Variants in ITGAM observed in about 807,000 individuals in gnomAD.
ITGAM encodes the protein integrin subunit alpha M, also known as integrin alpha-M.
Under a neutral mutation model 137.5 loss-of-function variants are expected in ITGAM, and 79 were observed. The observed-to-expected ratio is 0.57, with a 90% CI of 0.48 to 0.69. The LOEUF (loss-of-function observed/expected upper bound fraction) is 0.69, where lower values mean the gene tolerates loss of function less well. ITGAM is among the 30% of genes least tolerant of loss of function. The pLI is 0.00. For synonymous variants in ITGAM, 583 were observed against 592.3 expected, an observed-to-expected ratio of 0.98 and a Z score of 0.23; for missense variants, 1,343 against 1,483.5, an observed-to-expected ratio of 0.91 and a Z score of 1.56.
chr16:31,278,584 C>T (rs549023804), intron 12 of ITGAM, among the ~76,000 whole-genome samples: 9 of 152,142 alleles, frequency 5.9e-5, no homozygotes, highest in Non-Finnish European at 1.0e-4. Flanking sequence ...GCAGCTCCAG[C>T]TGTTCATTAT....
At chr16:31,330,674 G>C in intron 28 of ITGAM, 69 bp downstream of exon 28, 1 of 1,121,136 alleles carries the variant, frequency 8.9e-7, no homozygotes. Context: ...TTCTGGGGGA[G>C]GAGAGAGAGA....
intron 2 of ITGAM, 31 bp downstream of exon 2, chr16:31,261,828 A>C: frequency 7.0e-7 from 1 of 1,424,428 alleles, no homozygotes; most frequent in Non-Finnish European, 9.9e-7. Flanking sequence ...CCCCTTTCTC[A>C]GTGCTTTCTC....
chr16:31,297,597 C>G lies in ITGAM; in HGVS notation c.1440C>G (p.Pro480=). The part of the protein sequence containing the change: ...GSTDLVLIGA[P]HYYEQTRGGQ... Reference sequence around the variant, plus strand: ...CCGACCTGGTCCTCATCGGGGCCCCCCATTACTACGAGCAGACCCGAGGGG... The same window carrying G: ...CCGACCTGGTCCTCATCGGGGCCCCGCATTACTACGAGCAGACCCGAGGGG... The change falls in exon 13 of 30, where the codon CCC becomes CCG. Residue 480 remains proline, a synonymous_variant. Transcript: ENST00000544665. The G allele has an allele frequency of 6.2e-7, 1 of 1,612,880 alleles. No individual in the cohort carries two copies. Among genetic ancestry groups the G allele is most frequent in the Non-Finnish European group, 8.5e-7 (1 of 1,179,910 alleles).
At chr16:31,284,105 G>A (rs1406426512) in intron 12 of ITGAM, among the ~76,000 whole-genome samples, 59 of 152,180 alleles carry the variant, frequency 3.9e-4, no homozygotes, top group Non-Finnish European at 1.0e-4. Flanking sequence ...TTGCAGAGGG[G>A]CACCCAGCCG....
intron 14 of ITGAM, among the ~76,000 whole-genome samples, chr16:31,309,791 C>A (rs533627239): frequency 6.6e-6 from 1 of 152,052 alleles, no homozygotes; most frequent in Non-Finnish European, 1.5e-5. Context: ...TGGCTGGTAC[C>A]GGCTGTTCCT....
chr16:31,270,556 C>T (rs986328648), intron 5 of ITGAM, among the ~76,000 whole-genome samples: 4 of 150,794 alleles, frequency 2.7e-5, no homozygotes, highest in Non-Finnish European at 5.9e-5. Context: ...CTCTGTGGCC[C>T]AGGCTGGAGT....
At chr16:31,315,113 C>T (rs1597028642) in intron 14 of ITGAM, among the ~76,000 whole-genome samples, 1 of 151,894 alleles carries the variant, frequency 6.6e-6, no homozygotes, top group East Asian at 1.9e-4. Context: ...GAACCCGGCC[C>T]TCTTTGCCCA....
rs2080529265 is a variant in ITGAM at position 31,328,231 on chromosome 16, G to A, written c.2792+1G>A. ...ATGCTGTCTACATGGTGGTCACCAGGTGCTGGCTTCCAGGACTTTAGCTGA... is the reference window on the plus strand; with the variant it reads ...ATGCTGTCTACATGGTGGTCACCAGATGCTGGCTTCCAGGACTTTAGCTGA... On this transcript the variant is annotated splice_donor_variant, in intron 23 of 29. Coordinates refer to ENST00000544665, the MANE Select transcript of ITGAM (RefSeq NM_000632.4). LOFTEE classifies it high-confidence loss of function. The A allele has an allele frequency of 1.9e-6, 3 of 1,613,462 alleles. No individual in the cohort carries two copies. Among genetic ancestry groups the A allele is most frequent in the Non-Finnish European group, 2.5e-6 (3 of 1,179,428 alleles).
chr16:31,314,123 A>G (rs1432625386), intron 14 of ITGAM, among the ~76,000 whole-genome samples: 2 of 151,834 alleles, frequency 1.3e-5, no homozygotes, highest in East Asian at 1.9e-4. Context: ...TAGATTCTGG[A>G]TATTAGACCT....
At chr16:31,320,091 T>G (rs1242008511) in intron 14 of ITGAM, among the ~76,000 whole-genome samples, 1 of 152,154 alleles carries the variant, frequency 6.6e-6, no homozygotes, top group Admixed American at 6.5e-5. Flanking sequence ...GGATTACAGG[T>G]GTAAGCCACG....
chr16:31,271,385 C>G (rs1302345928), intron 6 of ITGAM, among the ~76,000 whole-genome samples: 1 of 152,184 alleles, frequency 6.6e-6, no homozygotes, highest in Non-Finnish European at 1.5e-5. Flanking sequence ...CAGAATCTCA[C>G]TCTTTCTCTC....
intron 14 of ITGAM, among the ~76,000 whole-genome samples, chr16:31,306,653 A>G (rs1271955470): frequency 1.3e-5 from 2 of 151,994 alleles, no homozygotes; most frequent in East Asian, 3.9e-4. Flanking sequence ...CTGGGATTAC[A>G]GGAGTGCGCC....
In ITGAM at chr16:31,297,962, C is replaced by G. The variant is rs2080154719; in HGVS notation, c.1707+8C>G. 3.1e-6 allele frequency: 5 copies of G among 1,608,064 alleles called. No individual in the cohort carries two copies. The highest frequency in any genetic ancestry group is 4.3e-6 in the Non-Finnish European group (5 of 1,174,690). On this transcript the variant is annotated splice_region_variant and intron_variant, in intron 14 of 29. Coordinates refer to ENST00000544665, the MANE Select transcript of ITGAM (RefSeq NM_000632.4). ...AGCCCCTCCCATAGCCAGGTGAGACCTGGTCACTGTCCTTGTCATGACAGT... is the reference window on the plus strand; with the variant it reads ...AGCCCCTCCCATAGCCAGGTGAGACGTGGTCACTGTCCTTGTCATGACAGT...
rs919216770 is a variant in ITGAM at position 31,317,781 on chromosome 16, G to A, written c.1708-3460G>A. On this transcript the variant is annotated intron_variant, in intron 14 of 29. Coordinates refer to ENST00000544665, the MANE Select transcript of ITGAM (RefSeq NM_000632.4). ...GGAATAAAGCCCACATGGTCATGGC[G>A]TATGACCCTTTTGTGCTATTGAATT... Among the ~76,000 whole-genome samples the A allele has an allele frequency of 6.6e-5, 10 of 152,202 alleles. No homozygotes were observed. In the East Asian group the frequency reaches 9.6e-4, roughly 15 times the overall value.
intron 24 of ITGAM, 113 bp downstream of exon 24, chr16:31,329,416 G>A (rs2080551920): frequency 1.2e-6 from 1 of 805,358 alleles, no homozygotes; most frequent in East Asian, 2.6e-5. Flanking sequence ...GGTGTGCCAG[G>A]CTTGGTTCCA....
In ITGAM at chr16:31,265,862, C is replaced by T. The variant is rs952980384; in HGVS notation, c.290C>T (p.Thr97Ile). ...MSLGLSLAAT[T>I]SPPQLLACGP... ...CTGGGCCTGTCCCTGGCAGCCACCA[C>T]CAGCCCCCCTCAGCTGCTGGTGAGT... is the stretch of plus-strand genomic sequence containing the variant. The change falls in exon 4 of 30, where the codon ACC becomes ATC. Residue 97 changes from threonine (T) to isoleucine (I), a missense_variant. Transcript: ENST00000544665. 1.2e-6 allele frequency: 2 copies of T among 1,613,790 alleles called. No homozygotes were observed. Among genetic ancestry groups the T allele is most frequent in the African/African-American group, 2.7e-5 (2 of 74,902 alleles).
At position 31,321,375 on chromosome 16, in the gene ITGAM, A is replaced by C; in HGVS notation, c.1838+4A>C. On this transcript the variant is annotated splice_donor_region_variant and intron_variant, in intron 15 of 29. Coordinates refer to ENST00000544665, the MANE Select transcript of ITGAM (RefSeq NM_000632.4). Reference sequence around the variant, plus strand: ...AGGGGCACGTGCTGCTGCTCAGGTGAGAATGCCTTTTGGAGTCAACCGGAC... The same window carrying C: ...AGGGGCACGTGCTGCTGCTCAGGTGCGAATGCCTTTTGGAGTCAACCGGAC... 1 of 1,614,002 alleles carries C rather than the reference A, an allele frequency of 6.2e-7. No homozygotes were observed. Among genetic ancestry groups the C allele is most frequent in the South Asian group, 1.1e-5 (1 of 91,084 alleles).
intron 8 of ITGAM, among the ~76,000 whole-genome samples, chr16:31,274,623 T>C (rs1001529715): frequency 1.3e-5 from 2 of 152,010 alleles, no homozygotes; most frequent in Non-Finnish European, 2.9e-5. Context: ...TTTATTTATT[T>C]ATTTATTTTG....
intron 12 of ITGAM, among the ~76,000 whole-genome samples, chr16:31,287,690 A>T (rs1428343928): frequency 6.6e-6 from 1 of 152,026 alleles, no homozygotes; most frequent in East Asian, 1.9e-4. Context: ...AATGCATTGT[A>T]TGGGGATGAA....
Sources: allele counts gnomAD v4.1 joint callset (sites outside exome capture counted in the v4.1 genomes callset), GRCh38; gene constraint gnomAD v4.1.1; transcripts MANE v1.5; gene names NCBI Gene and HGNC (gene_info 2026-07-23, HGNC 2026-07-21).